Variants in SOX5 observed in about 807,000 individuals in gnomAD.
The protein encoded by SOX5 is transcription factor SOX-5.
Under a neutral mutation model 92.0 loss-of-function variants are expected in SOX5, and 9 were observed. The observed-to-expected ratio is 0.10, with a 90% confidence interval of 0.06 to 0.17. The LOEUF is 0.17. Ranked by LOEUF, SOX5 falls within the 10% of genes least tolerant of loss-of-function variation. The pLI, the probability that SOX5 is intolerant of heterozygous loss-of-function variation, is 1.00. For synonymous variants in SOX5, 344 were observed against 336.3 expected (o/e 1.02, Z -0.25); for missense variants, 642 against 944.5 (o/e 0.68, Z 4.20).
intron 1 of SOX5, among the ~76,000 whole-genome samples, chr12:24,475,946 C>T (rs533659330): frequency 1.3e-5 from 2 of 150,172 alleles, no homozygotes; most frequent in East Asian, 3.9e-4. Context: ...CATACCACTG[C>T]AGTCTAGCCT....
chr12:23,638,995 C>A (rs926375025), intron 8 of SOX5, among the ~76,000 whole-genome samples: 4 of 151,722 alleles, frequency 2.6e-5, no homozygotes, highest in Admixed American at 2.0e-4. Context: ...TGTTATACTA[C>A]AGGATTATTT....
At chr12:24,450,470 TTTTATTTATTTA>T (rs75555397) in intron 1 of SOX5, among the ~76,000 whole-genome samples, 63 of 145,870 alleles carry the variant, frequency 4.3e-4, no homozygotes, top group Admixed American at 6.9e-4. Context: ...TGTGTATTTA[TTTTATTTATTTA>T]TTTATTTATT....
intron 3 of SOX5, among the ~76,000 whole-genome samples, chr12:23,796,812 G>A (rs532292540): frequency 3.3e-5 from 5 of 149,426 alleles, no homozygotes; most frequent in African/African-American, 1.2e-4. Flanking sequence ...GTATATATGT[G>A]TGTATATTTA....
At chr12:23,999,234 A>T (rs1233760118) in intron 4 of SOX5, among the ~76,000 whole-genome samples, 1 of 150,942 alleles carries the variant, frequency 6.6e-6, no homozygotes, top group African/African-American at 2.4e-5. Flanking sequence ...GATCTCACTT[A>T]TATGTAGTAT....
intron 2 of SOX5, among the ~76,000 whole-genome samples, chr12:23,875,417 A>G (rs2096917177): frequency 6.6e-6 from 1 of 152,108 alleles, no homozygotes; most frequent in East Asian, 1.9e-4. Context: ...TGGCCAAATA[A>G]CCCCACTGTG....
At chr12:23,640,370 T>C (rs929767894) in intron 8 of SOX5, among the ~76,000 whole-genome samples, 1 of 152,220 alleles carries the variant, frequency 6.6e-6, no homozygotes, top group Non-Finnish European at 1.5e-5. Flanking sequence ...ACTCAGCTGG[T>C]ATTAGCAAGA....
chr12:24,229,732 T>TAAGG (rs1442086106), intron 3 of SOX5, among the ~76,000 whole-genome samples: 1 of 152,212 alleles, frequency 6.6e-6, no homozygotes, highest in Non-Finnish European at 1.5e-5. Context: ...TATTACGCCT[T>TAAGG]GTGTGCCCTG....
At chr12:24,539,904 C>T (rs1951965615) in intron 1 of SOX5, among the ~76,000 whole-genome samples, 1 of 152,046 alleles carries the variant, frequency 6.6e-6, no homozygotes, top group Admixed American at 6.6e-5. Flanking sequence ...ATTTCAAGCA[C>T]ATGTAACCAT....
rs955765577 is a variant in SOX5, at chr12:23,675,903, T to G, written c.811-10339A>C. On this transcript the variant is annotated intron_variant, in intron 6 of 14. Coordinates refer to ENST00000451604, the MANE Select transcript of SOX5 (RefSeq NM_006940.6). ...TGGCCAATAGGTATGGTAATACCTA[T>G]CAATCATCTGGGAAATGCAAATCAA... Among the ~76,000 whole-genome samples the G allele has an allele frequency of 4.6e-5, 7 of 152,208 alleles. 1 individual carries two copies. In the Middle Eastern group the frequency reaches 0.01, roughly 222 times the overall value.
Position 23,731,617 on chromosome 12 carries a change from A to C in SOX5, c.810+3067T>G, listed in dbSNP as rs191610938. Among the ~76,000 whole-genome samples the C allele has an allele frequency of 6.7e-4, 102 of 152,308 alleles. 1 individual carries two copies. In the East Asian group the frequency reaches 0.017, roughly 25 times the overall value. ...ACAACAATGAGCAAAATGTAGGAAA[A>C]TATTATCTTTCCTGTCATGTAACAT... On this transcript the variant is annotated intron_variant, in intron 6 of 14. Transcript: ENST00000451604.
Position 24,525,513 on chromosome 12 carries a change from A to T in SOX5, c.-251+36816T>A, listed in dbSNP as rs77127240. On this transcript the variant is annotated intron_variant, in intron 1 of 4. Coordinates refer to the SOX5 transcript ENST00000446891. ...ATTGTGCACTTAAAAATGTGTTAAGAGGGTAGATATCATGTTAAATGTTCT... is the reference window on the plus strand; with the variant it reads ...ATTGTGCACTTAAAAATGTGTTAAGTGGGTAGATATCATGTTAAATGTTCT... Among the ~76,000 whole-genome samples the T allele has an allele frequency of 3.2e-4, 48 of 152,310 alleles. No individual in the cohort carries two copies. In the East Asian group the frequency reaches 7.5e-3, roughly 24 times the overall value.
intron 3 of SOX5, among the ~76,000 whole-genome samples, chr12:23,833,330 C>G (rs2096361177): frequency 6.6e-6 from 1 of 151,444 alleles, no homozygotes; most frequent in Non-Finnish European, 1.5e-5. Flanking sequence ...AATCTGGAGC[C>G]CATCATAAGA....
intron 1 of SOX5, among the ~76,000 whole-genome samples, chr12:24,387,827 G>C (rs971467080): frequency 9.2e-5 from 14 of 152,110 alleles, no homozygotes; most frequent in African/African-American, 3.4e-4. Flanking sequence ...TCTCTCCCCA[G>C]ACTGTCTCTG....
At chr12:23,688,683 T>C (rs1389734644) in intron 6 of SOX5, among the ~76,000 whole-genome samples, 3 of 152,118 alleles carry the variant, frequency 2.0e-5, no homozygotes, top group Admixed American at 6.6e-5. Flanking sequence ...TTGCTACGAA[T>C]TGGGCCTCAA....
intron 8 of SOX5, among the ~76,000 whole-genome samples, chr12:23,611,508 A>T (rs1469122044): frequency 6.6e-6 from 1 of 152,074 alleles, no homozygotes; most frequent in African/African-American, 2.4e-5. Flanking sequence ...TGGAGTACAG[A>T]TATCTCTTCA....
chr12:24,106,079 A>G (rs1946631976), intron 4 of SOX5, among the ~76,000 whole-genome samples: 1 of 152,154 alleles, frequency 6.6e-6, no homozygotes. Context: ...GTTGGATTTT[A>G]TATAAACTAA....
At chr12:23,579,936 C>T (rs1446642084) in intron 9 of SOX5, among the ~76,000 whole-genome samples, 1 of 151,990 alleles carries the variant, frequency 6.6e-6, no homozygotes, top group Non-Finnish European at 1.5e-5. Flanking sequence ...CCAATTGGAA[C>T]TTTTGAAAAT....
intron 1 of SOX5, among the ~76,000 whole-genome samples, chr12:23,899,136 G>A (rs1462795743): frequency 6.6e-6 from 1 of 152,164 alleles, no homozygotes; most frequent in African/African-American, 2.4e-5. Flanking sequence ...CAGGCCGGTT[G>A]CAGTGGCTCA....
At chr12:24,308,025 G>T (rs1431922236) in intron 2 of SOX5, among the ~76,000 whole-genome samples, 1 of 145,822 alleles carries the variant, frequency 6.9e-6, no homozygotes, top group Non-Finnish European at 1.5e-5. Context: ...TCTCCCAGTA[G>T]AAAAAAAAAA....
Sources: allele counts gnomAD v4.1 joint callset (sites outside exome capture counted in the v4.1 genomes callset), GRCh38; gene constraint gnomAD v4.1.1; transcripts MANE v1.5; gene names NCBI Gene and HGNC (gene_info 2026-07-23, HGNC 2026-07-21).